MAP4: variants seen among roughly 807,000 people sequenced by gnomAD.
MAP4 encodes the protein microtubule associated protein 4, also known as microtubule-associated protein 4.
A neutral mutation model predicts 170.2 loss-of-function variants in MAP4; 76 were observed. The ratio of observed to expected loss-of-function variants is 0.45; its 90% confidence interval spans 0.37 to 0.54. The LOEUF (loss-of-function observed/expected upper bound fraction) is 0.54. Ranked by LOEUF, MAP4 falls within the 20% of genes least tolerant of loss-of-function variation. MAP4 has a pLI of 0.00. For synonymous variants in MAP4, 909 were observed against 994.5 expected, an observed-to-expected ratio of 0.91 and a Z score of 1.62; for missense variants, 2,506 against 2,748.0, an observed-to-expected ratio of 0.91 and a Z score of 1.97.
chr3:48,012,547 T>C (rs2154436818), intron 1 of MAP4, among the ~76,000 whole-genome samples: 1 of 152,244 alleles, frequency 6.6e-6, no homozygotes, highest in South Asian at 2.1e-4. Flanking sequence ...AGGGTAAAAA[T>C]ACAGTCAAAA....
chr3:48,056,664 TG>T (rs1445272117), intron 1 of MAP4, among the ~76,000 whole-genome samples: 3 of 90,426 alleles, frequency 3.3e-5, no homozygotes, highest in South Asian at 3.8e-4. Flanking sequence ...GGGAGGGAGG[TG>T]GGGGGGTCAG....
At chr3:47,918,901 T>A in intron 5 of MAP4, 60 bp from the exon 6 acceptor site, 1 of 1,434,342 alleles carries the variant, frequency 7.0e-7, no homozygotes, top group Non-Finnish European at 9.6e-7. Flanking sequence ...AAACAAAAGG[T>A]ATTTGATATA....
intron 5 of MAP4, among the ~76,000 whole-genome samples, chr3:47,919,941 T>C (rs1437907171): frequency 1.3e-5 from 2 of 149,340 alleles, no homozygotes; most frequent in Non-Finnish European, 3.0e-5. Flanking sequence ...GTTGTTGTTG[T>C]TTGCCCAGCT....
intron 1 of MAP4, among the ~76,000 whole-genome samples, chr3:48,023,372 C>T (rs1460599038): frequency 6.6e-6 from 1 of 151,908 alleles, no homozygotes; most frequent in Non-Finnish European, 1.5e-5. Flanking sequence ...TATTTACATA[C>T]AAATGAACAT....
chr3:48,010,302 G>A (rs1332108849), intron 1 of MAP4, among the ~76,000 whole-genome samples: 2 of 152,194 alleles, frequency 1.3e-5, no homozygotes, highest in African/African-American at 2.4e-5. Context: ...CTGCAGAAAT[G>A]AGGACTGTAA....
intron 3 of MAP4, among the ~76,000 whole-genome samples, chr3:47,945,866 C>G (rs1026552857): frequency 7.2e-5 from 11 of 151,762 alleles, no homozygotes; most frequent in Non-Finnish European, 1.5e-4. Context: ...CACACATCAC[C>G]ACACCCAGCT....
chr3:48,012,894 T>TAC (rs369249449), intron 1 of MAP4, among the ~76,000 whole-genome samples: 3 of 151,952 alleles, frequency 2.0e-5, no homozygotes, highest in Non-Finnish European at 2.9e-5. Flanking sequence ...GATTTTAAAA[T>TAC]ACACACACAC....
At chr3:47,929,806 T>C (rs575888624) in intron 3 of MAP4, among the ~76,000 whole-genome samples, 1 of 152,256 alleles carries the variant, frequency 6.6e-6, no homozygotes, top group East Asian at 1.9e-4. Flanking sequence ...TGGGACACCA[T>C]GAAAATTTAA....
intron 2 of MAP4, among the ~76,000 whole-genome samples, chr3:47,980,783 G>C (rs1179289822): frequency 6.6e-6 from 1 of 152,076 alleles, no homozygotes; most frequent in African/African-American, 2.4e-5. Flanking sequence ...CACACAATAA[G>C]CTTATAAGAT....
At chr3:48,009,187 G>A (rs1037470134) in intron 1 of MAP4, among the ~76,000 whole-genome samples, 2 of 151,992 alleles carry the variant, frequency 1.3e-5, no homozygotes, top group East Asian at 1.9e-4. Flanking sequence ...TGCAACATCC[G>A]CCTCCCGGGT....
At chr3:47,874,699 G>A (rs1317247981) in intron 12 of MAP4, among the ~76,000 whole-genome samples, 1 of 152,080 alleles carries the variant, frequency 6.6e-6, no homozygotes, top group East Asian at 1.9e-4. Flanking sequence ...TAAAGATCAA[G>A]AAAAGCAACC....
intron 3 of MAP4, among the ~76,000 whole-genome samples, chr3:47,938,023 A>C (rs2100054045): frequency 6.6e-6 from 1 of 151,614 alleles, no homozygotes; most frequent in African/African-American, 2.4e-5. Flanking sequence ...GAAAGGAGGG[A>C]GAGAACAGCT....
At chr3:48,012,020 G>A (rs184594284) in intron 1 of MAP4, among the ~76,000 whole-genome samples, 10 of 152,258 alleles carry the variant, frequency 6.6e-5, no homozygotes, top group Admixed American at 5.9e-4. Flanking sequence ...TTAAGAACCT[G>A]CCTTCCCGTT....
chr3:48,045,327 G>GA (rs1325778037), intron 1 of MAP4, among the ~76,000 whole-genome samples: 3 of 150,976 alleles, frequency 2.0e-5, no homozygotes, highest in African/African-American at 4.9e-5. Flanking sequence ...TAGGAAAATT[G>GA]AAAGAACAGG....
intron 10 of MAP4, among the ~76,000 whole-genome samples, chr3:47,897,208 C>CCT (rs1169833911): frequency 1.3e-5 from 2 of 152,150 alleles, no homozygotes; most frequent in East Asian, 3.8e-4. Flanking sequence ...CTAACTACAA[C>CCT]CTCTGCCTCC....
At chr3:47,941,656 G>A (rs1384704405) in intron 3 of MAP4, among the ~76,000 whole-genome samples, 3 of 151,434 alleles carry the variant, frequency 2.0e-5, no homozygotes, top group African/African-American at 4.9e-5. Context: ...GCATGGTGGC[G>A]TGTGCCTGTA....
intron 1 of MAP4, among the ~76,000 whole-genome samples, chr3:48,042,672 T>C (rs1465508209): frequency 6.6e-6 from 1 of 152,128 alleles, no homozygotes; most frequent in African/African-American, 2.4e-5. Context: ...GAACATAAAA[T>C]GGTGCAGCCA....
intron 10 of MAP4, among the ~76,000 whole-genome samples, chr3:47,887,456 G>A (rs1358707058): frequency 3.3e-5 from 5 of 152,206 alleles, no homozygotes; most frequent in African/African-American, 7.2e-5. Flanking sequence ...GGCAGGGCTC[G>A]GGACCTGCAG....
At chr3:47,859,877 CTAAG>C (rs2062850831) in intron 17 of MAP4, among the ~76,000 whole-genome samples, 1 of 152,176 alleles carries the variant, frequency 6.6e-6, no homozygotes, top group Non-Finnish European at 1.5e-5. Context: ...ATACCTCCTC[CTAAG>C]TATGTGCTGA....
Sources: gnomAD v4.1 joint callset for allele counts (sites outside exome capture counted in the v4.1 genomes callset) on GRCh38, gnomAD v4.1.1 for gene constraint, MANE v1.5 for transcripts, NCBI Gene and HGNC (gene_info 2026-07-23, HGNC 2026-07-21) for gene names.